DTD1: variants seen among roughly 807,000 people sequenced by gnomAD.
DTD1 encodes D-tyrosyl-tRNA deacylase 1 homolog.
DTD1 carries 13 observed loss-of-function variants against 25.6 expected under a neutral mutation model. The observed-to-expected ratio is 0.51, with a 90% CI of 0.33 to 0.81. DTD1 has a LOEUF of 0.81. Ranked by LOEUF, DTD1 falls within the 30% of genes least tolerant of loss-of-function variation. DTD1 has a pLI of 0.02. For missense variants in DTD1, 193 were observed against 266.4 expected, an observed-to-expected ratio of 0.72 and a Z score of 1.92; for synonymous variants, 110 against 103.6, an observed-to-expected ratio of 1.06 and a Z score of -0.37.
intron 5 of DTD1, among the ~76,000 whole-genome samples, chr20:18,746,653 G>A (rs1442512160): frequency 2.0e-5 from 3 of 152,170 alleles, no homozygotes; most frequent in Non-Finnish European, 4.4e-5. Context: ...CATGATTGCA[G>A]CACTGCACTC....
chr20:18,684,875 TCAGCCCCACTAAGGCA>T (rs1389768941), intron 4 of DTD1, among the ~76,000 whole-genome samples: 14 of 152,046 alleles, frequency 9.2e-5, no homozygotes, highest in African/African-American at 3.1e-4. Flanking sequence ...GCCTGAGGGC[TCAGCCCCACTAAGGCA>T]CAGTTTTGTT....
At chr20:18,622,941 A>ATTTTTTTTT (rs2060741098) in intron 3 of DTD1, among the ~76,000 whole-genome samples, 1 of 80,854 alleles carries the variant, frequency 1.2e-5, no homozygotes. Context: ...AATTTTATAG[A>ATTTTTTTTT]ATTTTTTTTT....
chr20:18,628,964 G>C (rs1409575342), intron 4 of DTD1, among the ~76,000 whole-genome samples: 1 of 149,594 alleles, frequency 6.7e-6, no homozygotes, highest in African/African-American at 2.5e-5. Context: ...GAAACGTGAA[G>C]CTGGGCAACC....
chr20:18,743,639 A>G (rs1176714732), intron 4 of DTD1, among the ~76,000 whole-genome samples: 12 of 141,516 alleles, frequency 8.5e-5, no homozygotes, highest in Non-Finnish European at 1.8e-4. Flanking sequence ...GCACCACTGT[A>G]CTTCAGCCTG....
In DTD1 at chr20:18,672,058, A is replaced by AC. The variant is rs1436378978; in HGVS notation, c.477+43829dup. The stretch of plus-strand genomic sequence containing the variant: ...AGACCAGCCTGGGCAACATAGGGAG[A>AC]CCCCATCTCTACAGAAAGTTAAAAA... On this transcript the variant is annotated intron_variant, in intron 4 of 5. Coordinates refer to ENST00000377452, the MANE Select transcript of DTD1 (RefSeq NM_080820.6). 3.3e-5 allele frequency among the ~76,000 whole-genome samples: 5 copies of AC among 152,014 alleles called. No homozygotes were observed. In the East Asian group the frequency reaches 7.7e-4, roughly 23 times the overall value.
chr20:18,701,336 T>TA (rs1294202799), intron 4 of DTD1, among the ~76,000 whole-genome samples: 1 of 152,246 alleles, frequency 6.6e-6, no homozygotes, highest in Non-Finnish European at 1.5e-5. Flanking sequence ...AGCACCCCAA[T>TA]AAGGGGGGCA....
intron 5 of DTD1, among the ~76,000 whole-genome samples, chr20:18,753,582 T>A (rs2061328594): frequency 1.0e-5 from 1 of 96,876 alleles, no homozygotes; most frequent in Non-Finnish European, 1.9e-5. Context: ...CACTCCAGCC[T>A]GGGCAATGAA....
Position 18,744,135 on chromosome 20 carries a change from A to G in DTD1, c.513A>G (p.Glu171=). 1 of 1,612,082 alleles carries G rather than the reference A, an allele frequency of 6.2e-7. No individual in the cohort carries two copies. Among genetic ancestry groups the G allele is most frequent in the South Asian group, 1.1e-5 (1 of 90,932 alleles). Residue 171 remains glutamate (E), a synonymous_variant, in exon 5 of 6, where the codon GAA becomes GAG. Coordinates refer to ENST00000377452, the MANE Select transcript of DTD1 (RefSeq NM_080820.6). ...TCGAAAAACAGCAGCAGAGGAAAGA[A>G]AAGACCAGAGCTAAGGGACCTTCTG... ...SKLEKQQQRK[E]KTRAKGPSES... is the part of the protein sequence containing the mutation.
At chr20:18,751,854 G>T (rs12151930) in intron 5 of DTD1, among the ~76,000 whole-genome samples, 38,075 of 107,552 alleles carry the variant, frequency 0.35, 5,121 homozygotes, top group Middle Eastern at 0.43. Flanking sequence ...TTTTTTTTTT[G>T]TTGTTGTTGT....
chr20:18,648,339 G>A (rs1312884466), intron 4 of DTD1, among the ~76,000 whole-genome samples: 1 of 152,166 alleles, frequency 6.6e-6, no homozygotes, highest in African/African-American at 2.4e-5. Context: ...TGTACCCCAA[G>A]CCAATGACAC....
chr20:18,713,623 C>T (rs2061168468), intron 4 of DTD1, among the ~76,000 whole-genome samples: 1 of 152,186 alleles, frequency 6.6e-6, no homozygotes, highest in Non-Finnish European at 1.5e-5. Flanking sequence ...ACCGTATCCT[C>T]CGTTCCTCCT....
At chr20:18,666,272 G>T (rs2060931130) in intron 4 of DTD1, among the ~76,000 whole-genome samples, 1 of 152,202 alleles carries the variant, frequency 6.6e-6, no homozygotes, top group Non-Finnish European at 1.5e-5. Context: ...GTGTCAAGGG[G>T]TATGTGACAT....
At chr20:18,632,783 A>G (rs1432998708) in intron 4 of DTD1, 7 of 501,854 alleles carry the variant, frequency 1.4e-5, no homozygotes, top group South Asian at 8.6e-5. Flanking sequence ...GTGTGTGTAT[A>G]TGGATGTATA....
intron 4 of DTD1, among the ~76,000 whole-genome samples, chr20:18,707,410 C>G (rs1182462521): frequency 6.6e-6 from 1 of 152,172 alleles, no homozygotes; most frequent in African/African-American, 2.4e-5. Flanking sequence ...TGCTCTGTGT[C>G]TGGGACTCAC....
intron 3 of DTD1, among the ~76,000 whole-genome samples, chr20:18,619,791 T>C (rs1776785267): frequency 6.6e-6 from 1 of 152,220 alleles, no homozygotes; most frequent in Admixed American, 6.5e-5. Flanking sequence ...GTTTATCCCA[T>C]ATAAATGTAA....
chr20:18,622,061 C>A, intron 3 of DTD1, among the ~76,000 whole-genome samples: 1 of 110,764 alleles, frequency 9.0e-6, no homozygotes, highest in Non-Finnish European at 2.1e-5. Flanking sequence ...GAGACTCTGT[C>A]TCAAAAAAAA....
At chr20:18,624,861 C>A (rs1432012431) in intron 3 of DTD1, among the ~76,000 whole-genome samples, 4 of 152,194 alleles carry the variant, frequency 2.6e-5, no homozygotes, top group African/African-American at 9.7e-5. Flanking sequence ...GGGAATTTAA[C>A]TTCCCAGCTA....
At chr20:18,679,071 G>C (rs1041764863) in intron 4 of DTD1, 11 of 152,154 alleles carry the variant, frequency 7.2e-5, no homozygotes, top group Admixed American at 7.2e-4. Context: ...AGTTAAACCC[G>C]GAGTGAGCCA....
At chr20:18,632,622 A>G (rs968069305) in intron 4 of DTD1, 2 of 984,504 alleles carry the variant, frequency 2.0e-6, no homozygotes, top group Non-Finnish European at 1.2e-6. Flanking sequence ...TTTTTCCATT[A>G]TATTCCAATC....
Sources: allele counts gnomAD v4.1 joint callset (sites outside exome capture counted in the v4.1 genomes callset), GRCh38; gene constraint gnomAD v4.1.1; transcripts MANE v1.5; gene names NCBI Gene and HGNC (gene_info 2026-07-23, HGNC 2026-07-21).